PLEC: variants seen among roughly 807,000 people sequenced by gnomAD.
PLEC encodes hemidesmosomal protein 1.
PLEC carries 216 observed loss-of-function variants against 392.8 expected under a neutral mutation model. That is an observed-to-expected ratio of 0.55 (90% CI 0.49 to 0.62). The LOEUF (loss-of-function observed/expected upper bound fraction) is 0.62, where lower values mean the gene tolerates loss of function less well. PLEC is among the 20% of genes least tolerant of loss of function. PLEC has a pLI of 0.00. For synonymous variants in PLEC, 3,621 were observed against 2,980.6 expected (o/e 1.21, Z -7.00); for missense variants, 6,863 against 6,563.4 (o/e 1.05, Z -1.58).
At chr8:143,952,582 T>A (rs1457023726), upstream of PLEC, among the ~76,000 whole-genome samples, 3 of 149,660 alleles carry the variant, frequency 2.0e-5, no homozygotes, top group Admixed American at 1.3e-4. Context: ...CCTCCTGCAC[T>A]CCCGGCAGGC....
At position 143,925,011 on chromosome 8, in the gene PLEC, C is replaced by T. The variant is rs1554700273; in HGVS notation, c.4918G>A (p.Glu1640Lys). ...GCCTGCAGCCGCAGCCGTAGCGCCT[C>T]GTTGGCCTTGAGCTGCCAGCGCTCC... is the stretch of plus-strand genomic sequence containing the variant. ...ELERWQLKAN[E>K]ALRLRLQAEE... The change falls in exon 31 of 32, where the codon GAG becomes AAG. Residue 1640 changes from glutamate (E) to lysine (K), a missense_variant. Glu to Lys is a moderately conservative substitution (Grantham distance 56, BLOSUM62 1). Coordinates refer to ENST00000345136, the MANE Select transcript of PLEC (RefSeq NM_201384.3). The T allele has an allele frequency of 1.9e-6, 3 of 1,573,872 alleles. No homozygotes were observed. The highest frequency in any genetic ancestry group is 1.7e-6 in the Non-Finnish European group (2 of 1,167,862).
chr8:143,961,302 T>C (rs1459042246), intron 1 of PLEC, among the ~76,000 whole-genome samples: 1 of 151,962 alleles, frequency 6.6e-6, no homozygotes, highest in Non-Finnish European at 1.5e-5. Context: ...CTCAGCTCAC[T>C]GCAACCTCCG....
upstream of PLEC, among the ~76,000 whole-genome samples, chr8:143,955,023 C>T (rs1832513655): frequency 6.6e-6 from 1 of 152,164 alleles, no homozygotes; most frequent in Non-Finnish European, 1.5e-5. Context: ...AGGCAAAGGG[C>T]CAGAAGCCAG....
upstream of PLEC, among the ~76,000 whole-genome samples, chr8:143,940,788 AAAC>A (rs1830318135): frequency 1.3e-5 from 2 of 152,256 alleles, no homozygotes; most frequent in South Asian, 4.2e-4. Flanking sequence ...GGGGGTGCCC[AAAC>A]CCCTCAGAGG....
Position 143,932,009 on chromosome 8 carries a change from C to T in PLEC, c.2106G>A (p.Thr702=), listed in dbSNP as rs781912612. 88 of 1,604,736 alleles carry T rather than the reference C, an allele frequency of 5.5e-5. No homozygotes were observed. Among genetic ancestry groups the T allele is most frequent in the Non-Finnish European group, 6.9e-5 (81 of 1,176,874 alleles). ...TVESFQAALQ[T]QWSWMLQLCC... is the part of the protein sequence containing the mutation. ...ACAGCTGTAGCATCCAGCTCCACTG[C>T]GTCTGCAGGGCCGCCTGGAAGGACT... is the stretch of plus-strand genomic sequence containing the variant. Residue 702 remains threonine, a synonymous_variant, in exon 18 of 32, where the codon ACG becomes ACA. Coordinates refer to ENST00000345136, the MANE Select transcript of PLEC (RefSeq NM_201384.3).
chr8:143,947,624 C>A (rs1554733050), intron 1 of PLEC, among the ~76,000 whole-genome samples: 1 of 151,986 alleles, frequency 6.6e-6, no homozygotes, highest in Non-Finnish European at 1.5e-5. Flanking sequence ...GTGGCTCATG[C>A]CTGTAATCCC....
upstream of PLEC, chr8:143,975,242 C>T (rs781980239): frequency 2.5e-6 from 4 of 1,607,318 alleles, no homozygotes; most frequent in Non-Finnish European, 1.7e-6. The surrounding 1 kb of genome is among the most constrained non-coding windows in gnomAD (Gnocchi z 9.9). Context: ...AGCGCCACCC[C>T]CGCTGCGCCG....
Position 143,934,315 on chromosome 8 carries a change from C to T in PLEC, c.1169+3G>A, listed in dbSNP as rs782070756. 1 of 1,612,044 alleles carries T rather than the reference C, an allele frequency of 6.2e-7. No homozygotes were observed. Among genetic ancestry groups the T allele is most frequent in the African/African-American group, 1.3e-5 (1 of 75,066 alleles). On this transcript the variant is annotated splice_donor_region_variant and intron_variant, in intron 11 of 31. Coordinates refer to ENST00000345136, the MANE Select transcript of PLEC (RefSeq NM_201384.3). ...TCCCCTGCCACCACAGGGCCCCACCCACCTCTCAAACTCGCTGCGGAGCTG... is the reference window on the plus strand; with the variant it reads ...TCCCCTGCCACCACAGGGCCCCACCTACCTCTCAAACTCGCTGCGGAGCTG...
chr8:143,954,093 C>A (rs1554738445), upstream of PLEC, among the ~76,000 whole-genome samples: 1 of 152,090 alleles, frequency 6.6e-6, no homozygotes, highest in African/African-American at 2.4e-5. This position sits in a 1 kb window ranked among gnomAD's most constrained non-coding sequence, Gnocchi z 4.6. Context: ...AGCCCCCGGC[C>A]CACCCCACAG....
In PLEC at chr8:143,919,839, A is replaced by T. The variant is rs781920048; in HGVS notation, c.9982T>A (p.Phe3328Ile). Reference protein sequence around the residue: ...LASGVLSRAQFEQLKDGKTTV... With the variant: ...LASGVLSRAQIEQLKDGKTTV... ...GTCTTGCCGTCCTTGAGCTGCTCAA[A>T]CTGGGCTCTGCTGAGGACCCCGGAA... is the stretch of plus-strand genomic sequence containing the variant. The change falls in exon 32 of 32, where the codon TTT becomes ATT. Residue 3328 changes from phenylalanine (F) to isoleucine (I), a missense_variant. Physicochemically the swap from Phe to Ile is conservative, Grantham distance 21 (BLOSUM62 0). Coordinates refer to ENST00000345136, the MANE Select transcript of PLEC (RefSeq NM_201384.3). 4.3e-6 allele frequency: 7 copies of T among 1,613,112 alleles called. No homozygotes were observed. In the East Asian group the frequency reaches 1.3e-4, roughly 31 times the overall value.
rs1554679848 is a variant in PLEC at position 143,919,906 on chromosome 8, G to A, written c.9915C>T (p.Phe3305=). ...CTGGCACAGGGGCACGGAGGCCGCT[G>A]AAGGACAGCCTCTCCTGCCGCAGGG... The part of the protein sequence containing the change: ...VETLRQERLS[F]SGLRAPVPAS... The change falls in exon 32 of 32, where the codon TTC becomes TTT. Residue 3305 remains phenylalanine (F), a synonymous_variant. Coordinates refer to ENST00000345136, the MANE Select transcript of PLEC (RefSeq NM_201384.3). The A allele has an allele frequency of 1.9e-6, 3 of 1,613,086 alleles. No homozygotes were observed. The highest frequency in any genetic ancestry group is 2.2e-5 in the East Asian group (1 of 44,884).
chr8:143,933,928 T>G lies in PLEC; in HGVS notation c.1263+70A>C, dbSNP rs1828150405. ...CCAGGGGGACAGCCCCCTCCTGGCT[T>G]TAGGGCTGCAGGGCGGGGCAGGCTC... On this transcript the variant is annotated intron_variant, in intron 12 of 31. Transcript: ENST00000345136. 1.1e-5 allele frequency: 15 copies of G among 1,377,366 alleles called. No homozygotes were observed. In the East Asian group the frequency reaches 3.5e-4, roughly 32 times the overall value. The allele number at this position is 1,377,366 out of a possible 1,614,324, so 85.3% of individuals were successfully genotyped here.
At position 143,923,699 on chromosome 8, in the gene PLEC, T is replaced by G. The variant is rs1564025788; in HGVS notation, c.6230A>C (p.Asp2077Ala). The G allele has an allele frequency of 1.3e-6, 2 of 1,545,322 alleles. No individual in the cohort carries two copies. Among genetic ancestry groups the G allele is most frequent in the Non-Finnish European group, 8.7e-7 (1 of 1,151,652 alleles). The change falls in exon 31 of 32, where the codon GAC becomes GCC. Residue 2077 changes from aspartate to alanine, a missense_variant. Transcript: ENST00000345136. ...CGCCTCCGCCTCGCCGCGCAGCTGG[T>G]CCAGCACGCTCTGCTCCTGCTGCAG... is the stretch of plus-strand genomic sequence containing the variant. ...QTLQQEQSVL[D>A]QLRGEAEAAR...
chr8:143,917,653 C>CT lies in PLEC; in HGVS notation c.12167dup (p.Glu4057GlyfsTer18). The CT allele has an allele frequency of 6.2e-7, 1 of 1,613,652 alleles. No homozygotes were observed. Among genetic ancestry groups the CT allele is most frequent in the Non-Finnish European group, 8.5e-7 (1 of 1,180,018 alleles). On this transcript the variant is annotated frameshift_variant, in exon 32 of 32. Transcript: ENST00000345136. LOFTEE classifies it high-confidence loss of function. ...CCTCCACGGGCAGCCGGTGGCTCTC[C>CT]TCAGGGTCGATGATGCCGCCCGTGG... is the stretch of plus-strand genomic sequence containing the variant.
upstream of PLEC, chr8:143,975,276 T>G: frequency 6.2e-7 from 1 of 1,609,712 alleles, no homozygotes; most frequent in South Asian, 1.1e-5. This position sits in a 1 kb window ranked among gnomAD's most constrained non-coding sequence, Gnocchi z 9.9. Context: ...TTCCCAAGGT[T>G]CCAGGGCAGT....
At position 143,932,134 on chromosome 8, in the gene PLEC, AC is replaced by A; in HGVS notation, c.2077del (p.Val693TrpfsTer26). On this transcript the variant is annotated frameshift_variant, in exon 17 of 32. Transcript: ENST00000345136. LOFTEE classifies it high-confidence loss of function. Reference sequence around the variant, plus strand: ...CCCCTACCCAGGGAGCCCCACCTCCACCGTGGGCCGGGCCGGGTGGTCCTCC... The same window carrying A: ...CCCCTACCCAGGGAGCCCCACCTCCACGTGGGCCGGGCCGGGTGGTCCTCC... Reference protein sequence around the residue: ...LREDHPARPTVESFQAALQTQ... With the variant: ...LREDHPARPTXESFQAALQTQ... 1 of 1,605,758 alleles carries A rather than the reference AC, an allele frequency of 6.2e-7. No homozygotes were observed. The highest frequency in any genetic ancestry group is 8.5e-7 in the Non-Finnish European group (1 of 1,178,346).
chr8:143,922,220 T>A lies in PLEC; in HGVS notation c.7601A>T (p.Gln2534Leu). 1.9e-6 allele frequency: 3 copies of A among 1,569,594 alleles called. No individual in the cohort carries two copies. The highest frequency in any genetic ancestry group is 2.6e-6 in the Non-Finnish European group (3 of 1,160,684). The change falls in exon 32 of 32, where the codon CAG becomes CTG. Residue 2534 changes from glutamine to leucine, a missense_variant. Gln to Leu is a moderately radical substitution (Grantham distance 113). Coordinates refer to ENST00000345136, the MANE Select transcript of PLEC (RefSeq NM_201384.3). ...VAKAQQLREE[Q>L]QRQQQQMEQE... ...CTCCATCTGCTGCTGCTGCCGCTGC[T>A]GCTCCTCACGCAGCTGCTGTGCCTT...
At chr8:143,946,151 A>G (rs1218477568) in intron 1 of PLEC, among the ~76,000 whole-genome samples, 1 of 152,094 alleles carries the variant, frequency 6.6e-6, no homozygotes, top group Non-Finnish European at 1.5e-5. Flanking sequence ...CTACCACTCC[A>G]CGGAGGTCCG....
At chr8:143,927,806 C>T (rs1554708677) in intron 26 of PLEC, 40 bp from the exon 27 acceptor site, 2 of 1,579,920 alleles carry the variant, frequency 1.3e-6, no homozygotes, top group South Asian at 2.3e-5. Context: ...TTCAGCTGGG[C>T]CCGCTGTACC....
Sources: gnomAD v4.1 joint callset for allele counts (sites outside exome capture counted in the v4.1 genomes callset) on GRCh38, gnomAD v4.1.1 for gene constraint, Gnocchi (gnomAD v3.1) non-coding constraint, MANE v1.5 for transcripts, NCBI Gene and HGNC (gene_info 2026-07-23, HGNC 2026-07-21) for gene names.